CEP350: variants seen among roughly 807,000 people sequenced by gnomAD.
CEP350 encodes centrosome-associated protein 350.
A neutral mutation model predicts 331.8 loss-of-function variants in CEP350; 126 were observed. That is an observed-to-expected ratio of 0.38 (90% CI 0.33 to 0.44). The LOEUF is 0.44. CEP350 is among the 20% of genes least tolerant of loss of function. The pLI, the probability that CEP350 is intolerant of heterozygous loss-of-function variation, is 1.00. For missense variants in CEP350, 3,406 were observed against 3,634.6 expected, an observed-to-expected ratio of 0.94 and a Z score of 1.62; for synonymous variants, 1,200 against 1,259.5, an observed-to-expected ratio of 0.95 and a Z score of 1.00.
intron 25 of CEP350, among the ~76,000 whole-genome samples, chr1:180,058,407 TAATAG>T (rs1393921747): frequency 6.6e-6 from 1 of 152,170 alleles, no homozygotes; most frequent in Non-Finnish European, 1.5e-5. Context: ...ATGTTCTTTT[TAATAG>T]AAAAGCAAGA....
At chr1:179,969,236 T>A (rs1420287489) in intron 1 of CEP350, 4 of 517,176 alleles carry the variant, frequency 7.7e-6, no homozygotes, top group Non-Finnish European at 1.5e-5. Flanking sequence ...GCCTGATCTC[T>A]ACTTCTACAG....
chr1:179,994,878 A>T (rs1025596904), intron 5 of CEP350, among the ~76,000 whole-genome samples: 3 of 152,124 alleles, frequency 2.0e-5, no homozygotes, highest in African/African-American at 7.2e-5. Flanking sequence ...CGCTCATATG[A>T]TCTCAGTAGA....
At chr1:180,047,233 C>G (rs1657175394) in intron 21 of CEP350, among the ~76,000 whole-genome samples, 1 of 152,032 alleles carries the variant, frequency 6.6e-6, no homozygotes, top group Admixed American at 6.6e-5. Context: ...ATTAACCTGG[C>G]TTGTGTAATG....
intron 4 of CEP350, among the ~76,000 whole-genome samples, chr1:179,991,553 G>T (rs796705370): frequency 6.6e-6 from 1 of 151,560 alleles, no homozygotes; most frequent in African/African-American, 2.4e-5. Context: ...CTCCCAAAGT[G>T]CAGGGATTAC....
At chr1:180,003,060 C>A in intron 6 of CEP350, 114 bp from the exon 7 acceptor site, 1 of 660,418 alleles carries the variant, frequency 1.5e-6, no homozygotes, top group South Asian at 2.0e-5. Flanking sequence ...TGAATTGTAA[C>A]ACTAAAAGAG....
chr1:179,967,669 C>T (rs1190434499), intron 1 of CEP350, among the ~76,000 whole-genome samples: 1 of 152,102 alleles, frequency 6.6e-6, no homozygotes, highest in African/African-American at 2.4e-5. Flanking sequence ...CCTCGGCCTC[C>T]CAAAGTGCTG....
intron 37 of CEP350, among the ~76,000 whole-genome samples, chr1:180,110,292 T>C (rs1285659667): frequency 6.6e-6 from 1 of 152,206 alleles, no homozygotes; most frequent in Non-Finnish European, 1.5e-5. Context: ...AACATCACGA[T>C]GGTATGAAAG....
intron 27 of CEP350, among the ~76,000 whole-genome samples, chr1:180,068,065 C>G (rs761697966): frequency 7.2e-5 from 11 of 152,312 alleles, no homozygotes; most frequent in Non-Finnish European, 1.3e-4. Flanking sequence ...TGTTATAAAT[C>G]ACCAAAGAGT....
intron 1 of CEP350, among the ~76,000 whole-genome samples, chr1:179,977,859 C>G (rs913028854): frequency 6.6e-6 from 1 of 151,558 alleles, no homozygotes; most frequent in Admixed American, 6.6e-5. Flanking sequence ...TACAGCTGTA[C>G]AGCAATAGTT....
At chr1:180,053,241 C>T (rs2148969017) in intron 23 of CEP350, 75 bp downstream of exon 23, 1 of 690,996 alleles carries the variant, frequency 1.4e-6, no homozygotes, top group South Asian at 3.3e-5. Context: ...ACATTTTGTA[C>T]TTATCTCATT....
intron 16 of CEP350, 39 bp from the exon 17 acceptor site, chr1:180,036,887 A>C: frequency 6.8e-7 from 1 of 1,461,262 alleles, no homozygotes; most frequent in Non-Finnish European, 9.0e-7. Context: ...GTGTAATTTC[A>C]TGTTAACTTT....
chr1:180,076,498 A>G (rs2149067850), intron 28 of CEP350, among the ~76,000 whole-genome samples: 1 of 152,352 alleles, frequency 6.6e-6, no homozygotes, highest in East Asian at 1.9e-4. Flanking sequence ...CATTTGATAA[A>G]ATTTAAAAAG....
Position 180,095,668 on chromosome 1 carries a change from T to C in CEP350, c.8657T>C (p.Ile2886Thr), listed in dbSNP as rs1558157541. 1.9e-6 allele frequency: 3 copies of C among 1,613,632 alleles called. No individual in the cohort carries two copies. Among genetic ancestry groups the C allele is most frequent in the Non-Finnish European group, 2.5e-6 (3 of 1,179,858 alleles). ...EDFGLSSSHKIQKNKAEETIV... is the reference protein window; with the variant it reads ...EDFGLSSSHKTQKNKAEETIV... ...TTTGGTTTGAGCTCTTCTCACAAGA[T>C]CCAAAAAAATAAGGCAGAAGAAACC... Residue 2886 changes from isoleucine (I) to threonine (T), a missense_variant, in exon 35 of 38, where the codon ATC becomes ACC. Physicochemically the swap from Ile to Thr is moderately conservative, Grantham distance 89 (BLOSUM62 -1). Transcript: ENST00000367607.
At chr1:180,094,761 A>G in intron 34 of CEP350, 145 bp downstream of exon 34, 2 of 907,232 alleles carry the variant, frequency 2.2e-6, no homozygotes, top group Non-Finnish European at 3.3e-6. Flanking sequence ...GAGAAGGATC[A>G]CTGTACTGGT....
At chr1:179,958,869 C>T (rs1650370224) in intron 1 of CEP350, among the ~76,000 whole-genome samples, 1 of 152,082 alleles carries the variant, frequency 6.6e-6, no homozygotes, top group African/African-American at 2.4e-5. Context: ...AACACATAGA[C>T]AAATGTAGTT....
At chr1:180,006,944 C>A (rs568028750) in intron 8 of CEP350, among the ~76,000 whole-genome samples, 1 of 152,210 alleles carries the variant, frequency 6.6e-6, no homozygotes, top group Admixed American at 6.5e-5. Flanking sequence ...TGAACTCATC[C>A]TTTTTTATGG....
At chr1:179,964,883 G>A (rs987683084) in intron 1 of CEP350, among the ~76,000 whole-genome samples, 1 of 150,194 alleles carries the variant, frequency 6.7e-6, no homozygotes, top group African/African-American at 2.5e-5. Context: ...TTGTTTGTTT[G>A]TTTTGGTCTC....
At chr1:180,088,205 T>C (rs534034611) in intron 32 of CEP350, among the ~76,000 whole-genome samples, 1 of 152,270 alleles carries the variant, frequency 6.6e-6, no homozygotes, top group African/African-American at 2.4e-5. Context: ...AATGGATGAA[T>C]AGCTCAGTAA....
intron 25 of CEP350, among the ~76,000 whole-genome samples, chr1:180,061,702 C>T (rs1226083010): frequency 6.6e-6 from 1 of 152,098 alleles, no homozygotes; most frequent in East Asian, 1.9e-4. Flanking sequence ...ATTTTAAAAA[C>T]TGTTTTTAAG....
Sources: gnomAD v4.1 joint callset for allele counts (sites outside exome capture counted in the v4.1 genomes callset) on GRCh38, gnomAD v4.1.1 for gene constraint, MANE v1.5 for transcripts, NCBI Gene and HGNC (gene_info 2026-07-23, HGNC 2026-07-21) for gene names.